The following DLG2 variants were observed in gnomAD, a reference collection of about 807,000 sequenced individuals.
DLG2 encodes the protein disks large homolog 2.
In DLG2, 45 loss-of-function variants were observed where a neutral mutation model predicts 132.5. The observed-to-expected ratio is 0.34, with a 90% CI of 0.27 to 0.44. DLG2 has a LOEUF of 0.44. Among genes scored for constraint, DLG2 ranks in the 20% least tolerant of loss-of-function variants. The probability of loss-of-function intolerance (pLI) is 1.00; values close to 1 mark genes in which losing one functional copy is unlikely to be tolerated. For missense variants in DLG2, 1,045 were observed against 1,196.9 expected, an observed-to-expected ratio of 0.87 and a Z score of 1.87; for synonymous variants, 424 against 419.6, an observed-to-expected ratio of 1.01 and a Z score of -0.13.
In DLG2 at chr11:83,685,530, C is replaced by A. The variant is rs79040995; in HGVS notation, c.1826-52205G>T. 6.3e-3 allele frequency among the ~76,000 whole-genome samples: 965 copies of A among 152,222 alleles called. 7 individuals carry two copies. Among genetic ancestry groups the A allele is most frequent in the African/African-American group, 0.022 (918 of 41,544 alleles). On this transcript the variant is annotated intron_variant, in intron 18 of 27. Transcript: ENST00000376104. ...TTGGTTTTTCTCCTACTTCACTAATCTATCCTTCTACGTCTCCTTTGCTGG... is the reference window on the plus strand; with the variant it reads ...TTGGTTTTTCTCCTACTTCACTAATATATCCTTCTACGTCTCCTTTGCTGG...
chr11:85,586,010 C>T (rs2153230681), intron 3 of DLG2, among the ~76,000 whole-genome samples: 2 of 152,334 alleles, frequency 1.3e-5, no homozygotes, highest in African/African-American at 4.8e-5. Context: ...AGCCTCCACA[C>T]CCAACCTGTA....
chr11:84,510,644 T>C (rs2099254591), intron 7 of DLG2, among the ~76,000 whole-genome samples: 1 of 152,312 alleles, frequency 6.6e-6, no homozygotes, highest in South Asian at 2.1e-4. Flanking sequence ...ACTTGGAACA[T>C]ATTTAGTATT....
At chr11:84,185,585 C>T (rs1028825240) in intron 8 of DLG2, among the ~76,000 whole-genome samples, 8 of 152,086 alleles carry the variant, frequency 5.3e-5, no homozygotes, top group African/African-American at 1.7e-4. Context: ...CCTGATTGCC[C>T]TGGCCAGAAC....
chr11:84,022,249 A>C (rs2095417294), intron 11 of DLG2, among the ~76,000 whole-genome samples: 2 of 152,188 alleles, frequency 1.3e-5, no homozygotes, highest in Non-Finnish European at 2.9e-5. Context: ...CTCTGACCCC[A>C]AAACACCAAA....
At chr11:85,435,260 A>C (rs2091414597) in intron 3 of DLG2, among the ~76,000 whole-genome samples, 1 of 152,230 alleles carries the variant, frequency 6.6e-6, no homozygotes, top group South Asian at 2.1e-4. Context: ...TTGGCACAAG[A>C]CAAGGATGCC....
intron 6 of DLG2, among the ~76,000 whole-genome samples, chr11:84,569,425 A>C (rs2099471593): frequency 6.6e-6 from 1 of 152,240 alleles, no homozygotes; most frequent in South Asian, 2.1e-4. Context: ...TGACTGACAA[A>C]GAATTCAGAT....
intron 6 of DLG2, among the ~76,000 whole-genome samples, chr11:84,560,550 A>T (rs895394358): frequency 6.6e-6 from 1 of 152,092 alleles, no homozygotes; most frequent in African/African-American, 2.4e-5. Flanking sequence ...AACTTTCTAT[A>T]AGACATGGCA....
chr11:83,727,296 T>C (rs948952962), intron 18 of DLG2, among the ~76,000 whole-genome samples: 1 of 152,140 alleles, frequency 6.6e-6, no homozygotes, highest in African/African-American at 2.4e-5. Context: ...GACAGGAGAC[T>C]TGAGGGACCC....
At chr11:84,496,005 C>T (rs2154500212) in intron 7 of DLG2, among the ~76,000 whole-genome samples, 1 of 152,166 alleles carries the variant, frequency 6.6e-6, no homozygotes, top group South Asian at 2.1e-4. Flanking sequence ...AAAGATGGGA[C>T]CAAGAAGGTC....
At chr11:85,176,923 A>G (rs867000975) in intron 4 of DLG2, among the ~76,000 whole-genome samples, 3 of 152,146 alleles carry the variant, frequency 2.0e-5, no homozygotes, top group African/African-American at 7.2e-5. Context: ...ATTTCATGCC[A>G]GTCAGAATGG....
chr11:84,616,805 T>G (rs796338202), intron 6 of DLG2, among the ~76,000 whole-genome samples: 4 of 152,190 alleles, frequency 2.6e-5, no homozygotes, highest in African/African-American at 9.6e-5. Context: ...TAATATAAAT[T>G]TAAGGTATCT....
chr11:83,884,471 C>A (rs1013696333), intron 15 of DLG2, among the ~76,000 whole-genome samples: 2 of 152,202 alleles, frequency 1.3e-5, no homozygotes, highest in African/African-American at 2.4e-5. Context: ...CCCACCACAG[C>A]TCAAGGAGGC....
chr11:84,721,888 A>G (rs1321641226), intron 6 of DLG2, among the ~76,000 whole-genome samples: 2 of 152,246 alleles, frequency 1.3e-5, no homozygotes, highest in Non-Finnish European at 2.9e-5. Flanking sequence ...TGAACAACAC[A>G]TTCCTGTGGT....
intron 6 of DLG2, among the ~76,000 whole-genome samples, chr11:84,670,169 T>C (rs2099704178): frequency 6.6e-6 from 1 of 152,104 alleles, no homozygotes; most frequent in Non-Finnish European, 1.5e-5. Flanking sequence ...CCAACCTTCC[T>C]CTTGATCGCA....
At chr11:84,038,979 C>T (rs925129252) in intron 11 of DLG2, among the ~76,000 whole-genome samples, 1 of 152,018 alleles carries the variant, frequency 6.6e-6, no homozygotes, top group Non-Finnish European at 1.5e-5. Flanking sequence ...TCCCACCAGG[C>T]CCCTCCCATG....
At chr11:83,788,336 G>C (rs2040582341) in intron 17 of DLG2, among the ~76,000 whole-genome samples, 1 of 152,106 alleles carries the variant, frequency 6.6e-6, no homozygotes, top group Non-Finnish European at 1.5e-5. Flanking sequence ...TGGCTTTCTA[G>C]TGTGGTGAAC....
chr11:85,171,100 A>T (rs1161291983), intron 4 of DLG2, among the ~76,000 whole-genome samples: 2 of 152,154 alleles, frequency 1.3e-5, no homozygotes, highest in Non-Finnish European at 2.9e-5. Context: ...CTAAATGCAA[A>T]ATATCTCAAG....
intron 7 of DLG2, among the ~76,000 whole-genome samples, chr11:84,454,055 A>G (rs183554455): frequency 2.6e-5 from 4 of 151,756 alleles, no homozygotes; most frequent in Non-Finnish European, 3.0e-5. Context: ...ATATAAGGAG[A>G]TAGTTCTACC....
chr11:84,605,431 G>A (rs527306048), intron 6 of DLG2, among the ~76,000 whole-genome samples: 6 of 151,686 alleles, frequency 4.0e-5, no homozygotes, highest in East Asian at 1.9e-4. Flanking sequence ...CTATATCTTC[G>A]TCAGTACTAA....
Sources: gnomAD v4.1 joint callset for allele counts (sites outside exome capture counted in the v4.1 genomes callset) on GRCh38, gnomAD v4.1.1 for gene constraint, MANE v1.5 for transcripts, NCBI Gene and HGNC (gene_info 2026-07-23, HGNC 2026-07-21) for gene names.